BCL11A: variants seen among roughly 807,000 people sequenced by gnomAD.
BCL11A encodes the protein BCL11 transcription factor A.
In BCL11A, 2 loss-of-function variants were observed where a neutral mutation model predicts 55.9. The ratio of observed to expected loss-of-function variants is 0.04; its 90% CI spans 0.01 to 0.11. BCL11A has a LOEUF of 0.11. Ranked by LOEUF, BCL11A falls within the 10% of genes least tolerant of loss-of-function variation. The pLI, the probability that BCL11A is intolerant of heterozygous loss-of-function variation, is 1.00. For synonymous variants in BCL11A, 465 were observed against 473.4 expected (o/e 0.98, Z 0.23); for missense variants, 817 against 1,137.1 (o/e 0.72, Z 4.05).
intron 2 of BCL11A, among the ~76,000 whole-genome samples, chr2:60,500,650 A>G (rs908761763): frequency 3.3e-5 from 5 of 152,200 alleles, no homozygotes; most frequent in African/African-American, 9.7e-5. Context: ...AGCACCCTCC[A>G]CCAGTTAAGG....
intron 2 of BCL11A, chr2:60,541,918 A>C (rs894493090): frequency 1.4e-6 from 1 of 709,486 alleles, no homozygotes; most frequent in African/African-American, 1.8e-5. Flanking sequence ...CCTCCAGTTC[A>C]GTCTGAGCTA....
intron 3 of BCL11A, among the ~76,000 whole-genome samples, chr2:60,463,448 G>A (rs570715744): frequency 5.3e-5 from 8 of 152,340 alleles, no homozygotes; most frequent in Middle Eastern, 3.4e-3. Flanking sequence ...GCCCTCGGCT[G>A]GGACTCAGCT....
intron 2 of BCL11A, among the ~76,000 whole-genome samples, chr2:60,500,192 C>T (rs545927702): frequency 1.7e-4 from 26 of 152,348 alleles, no homozygotes; most frequent in Non-Finnish European, 3.5e-4. Context: ...GATGGAAAAC[C>T]AGCAGCCTGC....
chr2:60,483,932 T>C (rs1359284274), intron 2 of BCL11A: 3 of 152,148 alleles, frequency 2.0e-5, no homozygotes, highest in African/African-American at 7.2e-5. Flanking sequence ...TATAAATGAG[T>C]TGGTCTCATA....
chr2:60,553,181 T>C (rs559982793), intron 1 of BCL11A, 35 bp downstream of exon 1: 1 of 1,577,332 alleles, frequency 6.3e-7, no homozygotes, highest in African/African-American at 1.4e-5. Context: ...CTCGTGATTA[T>C]TAATAATTAT....
At chr2:60,481,532 T>C (rs1572986535) in intron 2 of BCL11A, among the ~76,000 whole-genome samples, 1 of 151,856 alleles carries the variant, frequency 6.6e-6, no homozygotes, top group South Asian at 2.1e-4. Context: ...AGCTGGCAGG[T>C]GAAGGAGGAC....
chr2:60,507,447 T>C (rs1679714357), intron 2 of BCL11A, among the ~76,000 whole-genome samples: 1 of 151,528 alleles, frequency 6.6e-6, no homozygotes, highest in Admixed American at 6.6e-5. Flanking sequence ...CTACAAAGAC[T>C]ATTGTGCTCT....
intron 2 of BCL11A, among the ~76,000 whole-genome samples, chr2:60,520,836 C>T (rs547129197): frequency 6.6e-6 from 1 of 152,104 alleles, no homozygotes; most frequent in South Asian, 2.1e-4. Flanking sequence ...CACCCATGCC[C>T]TTCTCCAGTG....
chr2:60,491,731 G>C (rs1177235733), intron 2 of BCL11A, among the ~76,000 whole-genome samples: 3 of 151,230 alleles, frequency 2.0e-5, no homozygotes, highest in African/African-American at 7.3e-5. Context: ...CAGTTCTCCA[G>C]GCTGGGCTGA....
chr2:60,524,166 A>G lies in BCL11A; in HGVS notation c.385+21805T>C, dbSNP rs1669109851. Among the ~76,000 whole-genome samples, 3 of 152,360 alleles carry G rather than the reference A, an allele frequency of 2.0e-5. No homozygotes were observed. In the South Asian group the frequency reaches 6.2e-4, roughly 32 times the overall value. ...ATCACATTGTGACACAGCTGACCGC[A>G]TTAGTGAGCCAAGACTGTCCTAGCG... On this transcript the variant is annotated intron_variant, in intron 2 of 3. Coordinates refer to ENST00000642384, the MANE Select transcript of BCL11A (RefSeq NM_022893.4).
chr2:60,466,080 T>C (rs1484448339), intron 3 of BCL11A, among the ~76,000 whole-genome samples: 1 of 152,168 alleles, frequency 6.6e-6, no homozygotes, highest in East Asian at 1.9e-4. Flanking sequence ...CCACATACCT[T>C]GTTCTGGTCA....
intron 2 of BCL11A, among the ~76,000 whole-genome samples, chr2:60,540,946 T>TCGTGTG: frequency 7.1e-6 from 1 of 140,318 alleles, no homozygotes; most frequent in East Asian, 2.1e-4. Context: ...AGCACTGGTT[T>TCGTGTG]TGTGTGTGTG....
rs1025734524 is a variant in BCL11A at position 60,464,706 on chromosome 2, C to G, written c.488-2282G>C. 2.6e-5 allele frequency among the ~76,000 whole-genome samples: 4 copies of G among 152,300 alleles called. No individual in the cohort carries two copies. The South Asian group carries it at 6.2e-4, about 24-fold the overall frequency. ...ATGCCAAAATCTGTGGCATACAGCACTACATCAAGGATCTCATTTGTATCC... is the reference window on the plus strand; with the variant it reads ...ATGCCAAAATCTGTGGCATACAGCAGTACATCAAGGATCTCATTTGTATCC... On this transcript the variant is annotated intron_variant, in intron 3 of 3. Coordinates refer to ENST00000642384, the MANE Select transcript of BCL11A (RefSeq NM_022893.4).
chr2:60,450,619 G>A (rs887916187), downstream of BCL11A: 1 of 152,226 alleles, frequency 6.6e-6, no homozygotes, highest in Non-Finnish European at 1.5e-5. Flanking sequence ...ATGGTCTTAT[G>A]TTTCAGCAAC....
chr2:60,549,077 G>C (rs1349248413), intron 1 of BCL11A, among the ~76,000 whole-genome samples: 3 of 152,150 alleles, frequency 2.0e-5, no homozygotes, highest in Non-Finnish European at 4.4e-5. Flanking sequence ...GTCCTCGATT[G>C]AAGTGGAAGG....
chr2:60,552,964 G>A (rs1404168341), intron 1 of BCL11A, among the ~76,000 whole-genome samples: 1 of 151,964 alleles, frequency 6.6e-6, no homozygotes, highest in Non-Finnish European at 1.5e-5. Flanking sequence ...GAAAGAGGAG[G>A]AGTCAAATTT....
At chr2:60,503,922 A>G (rs1679430808) in intron 2 of BCL11A, among the ~76,000 whole-genome samples, 1 of 152,208 alleles carries the variant, frequency 6.6e-6, no homozygotes, top group African/African-American at 2.4e-5. Context: ...GATTCTAGAA[A>G]AAAAAGAAAG....
At chr2:60,501,229 A>G (rs1207870842) in intron 2 of BCL11A, among the ~76,000 whole-genome samples, 1 of 152,182 alleles carries the variant, frequency 6.6e-6, no homozygotes, top group Non-Finnish European at 1.5e-5. Flanking sequence ...AATTTAATTC[A>G]TTTGGTCCAA....
In BCL11A at chr2:60,468,606, GGAAT is replaced by G. The variant is rs1423102840; in HGVS notation, c.487+122_487+125del. 8.5e-4 allele frequency: 565 copies of G among 663,554 alleles called. 1 individual carries two copies. The African/African-American group carries it at 9.4e-3, about 11-fold the overall frequency. 41.1% of individuals were successfully genotyped at this position (663,554 alleles called of 1,614,324 possible). A position where few individuals can be genotyped will look rare whatever the true frequency, so the allele number is the denominator to read the frequency against. ...GGGGAGCGGCTGCCAAGTGAGTAATGGAATAATACATATGACAATCTATTTTGGA... is the reference window on the plus strand; with the variant it reads ...GGGGAGCGGCTGCCAAGTGAGTAATGAATACATATGACAATCTATTTTGGA... On this transcript the variant is annotated intron_variant, in intron 3 of 3. Transcript: ENST00000642384.
Sources: allele counts gnomAD v4.1 joint callset (sites outside exome capture counted in the v4.1 genomes callset), GRCh38; gene constraint gnomAD v4.1.1; transcripts MANE v1.5; gene names NCBI Gene and HGNC (gene_info 2026-07-23, HGNC 2026-07-21).